RGS8: variants seen among roughly 807,000 people sequenced by gnomAD.
RGS8 encodes regulator of G-protein signaling 8.
RGS8 carries 8 observed loss-of-function variants against 21.7 expected under a neutral mutation model. The ratio of observed to expected loss-of-function variants is 0.37; its 90% CI spans 0.22 to 0.66. The LOEUF (loss-of-function observed/expected upper bound fraction) is 0.66. Ranked by LOEUF, RGS8 falls within the 30% of genes least tolerant of loss-of-function variation. RGS8 has a pLI of 0.59. For missense variants in RGS8, 157 were observed against 217.9 expected (o/e 0.72, Z 1.76); for synonymous variants, 80 against 83.6 (o/e 0.96, Z 0.24).
chr1:182,673,010 A>T, upstream of RGS8: 1 of 692,888 alleles, frequency 1.4e-6, no homozygotes, highest in East Asian at 2.6e-5. Flanking sequence ...GACAGTAATC[A>T]GCCTTCCAGG....
the RGS8 span, among the ~76,000 whole-genome samples, chr1:182,697,992 A>T: frequency 6.6e-6 from 1 of 152,278 alleles, no homozygotes; most frequent in Admixed American, 6.5e-5. Flanking sequence ...CAATTCAGGG[A>T]CTTAGAGGGA....
the RGS8 span, among the ~76,000 whole-genome samples, chr1:182,748,640 A>T: frequency 6.6e-6 from 1 of 152,194 alleles, no homozygotes; most frequent in Non-Finnish European, 1.5e-5. Flanking sequence ...TTACTGGATC[A>T]TATGGTAGTT....
chr1:182,664,296 C>T (rs1373011919), intron 5 of RGS8, among the ~76,000 whole-genome samples: 2 of 151,758 alleles, frequency 1.3e-5, no homozygotes, highest in African/African-American at 4.8e-5. Context: ...AAAAAAAAAC[C>T]CACCATATCC....
chr1:182,740,379 T>C, the RGS8 span, among the ~76,000 whole-genome samples: 2 of 152,178 alleles, frequency 1.3e-5, no homozygotes, highest in African/African-American at 4.8e-5. Flanking sequence ...CTGAGCACTA[T>C]ACAGACACAT....
the RGS8 span, among the ~76,000 whole-genome samples, chr1:182,716,950 T>TC: frequency 6.6e-6 from 1 of 152,092 alleles, no homozygotes; most frequent in Non-Finnish European, 1.5e-5. Flanking sequence ...AATCTCATCT[T>TC]CCCCCAAGGT....
chr1:182,698,886 A>C, the RGS8 span, among the ~76,000 whole-genome samples: 3 of 152,188 alleles, frequency 2.0e-5, no homozygotes, highest in Non-Finnish European at 4.4e-5. Context: ...AATTAGAACA[A>C]TGTGTGTGTG....
At chr1:182,730,046 T>A in the RGS8 span, among the ~76,000 whole-genome samples, 1 of 152,294 alleles carries the variant, frequency 6.6e-6, no homozygotes, top group Non-Finnish European at 1.5e-5. Context: ...TTAGAAAAGA[T>A]GATGGGGATA....
the RGS8 span, among the ~76,000 whole-genome samples, chr1:182,726,261 T>A: frequency 6.6e-6 from 1 of 152,176 alleles, no homozygotes; most frequent in African/African-American, 2.4e-5. Flanking sequence ...ACTAAGCTTT[T>A]CTCTGTAGAA....
intron 1 of RGS8, among the ~76,000 whole-genome samples, chr1:182,683,528 C>A (rs12129643): frequency 0.11 from 16,588 of 151,010 alleles, 1,192 homozygotes; most frequent in African/African-American, 0.2. Context: ...GACCTACAAA[C>A]ACTTGCAAGC....
chr1:182,678,086 C>T (rs577740148), intron 1 of RGS8, among the ~76,000 whole-genome samples: 2 of 152,248 alleles, frequency 1.3e-5, no homozygotes, highest in East Asian at 1.9e-4. Flanking sequence ...AAGACATTAT[C>T]GTTATTTTTT....
chr1:182,672,273 G>A (rs1214035418), upstream of RGS8: 1 of 176,324 alleles, frequency 5.7e-6, no homozygotes. Context: ...GACAGCTGCT[G>A]ACAGCAGGAG....
the RGS8 span, among the ~76,000 whole-genome samples, chr1:182,739,115 A>T: frequency 6.6e-6 from 1 of 152,174 alleles, no homozygotes; most frequent in Non-Finnish European, 1.5e-5. Context: ...TTTCCATTTA[A>T]AAGTGGAATA....
chr1:182,733,255 G>T, the RGS8 span, among the ~76,000 whole-genome samples: 1 of 152,180 alleles, frequency 6.6e-6, no homozygotes, highest in Non-Finnish European at 1.5e-5. Context: ...TATTTGTCCT[G>T]TGTTTTCAAT....
chr1:182,728,064 T>A, the RGS8 span, among the ~76,000 whole-genome samples: 152 of 152,270 alleles, frequency 1.0e-3, no homozygotes, highest in African/African-American at 3.3e-3. Flanking sequence ...ATGTTCATTT[T>A]ACAGAAATTG....
upstream of RGS8, among the ~76,000 whole-genome samples, chr1:182,674,543 A>G (rs142824829): frequency 1.4e-4 from 21 of 152,336 alleles, no homozygotes; most frequent in East Asian, 1.2e-3. Context: ...GTACAGACGT[A>G]GTGCAGGCCC....
At chr1:182,665,866 G>T in intron 5 of RGS8, 103 bp downstream of exon 6, 2 of 945,154 alleles carry the variant, frequency 2.1e-6, no homozygotes, top group African/African-American at 1.6e-5. Context: ...ACAGAGGTCT[G>T]GAACACCTAG....
the RGS8 span, among the ~76,000 whole-genome samples, chr1:182,700,799 A>G: frequency 6.6e-6 from 1 of 152,368 alleles, no homozygotes; most frequent in South Asian, 2.1e-4. Flanking sequence ...GGACTCTTAC[A>G]ATCATCTAAT....
the RGS8 span, among the ~76,000 whole-genome samples, chr1:182,717,676 C>T: frequency 6.6e-6 from 1 of 152,148 alleles, no homozygotes; most frequent in Non-Finnish European, 1.5e-5. Flanking sequence ...ATTGTGTTTT[C>T]TTCAGGGAAA....
chr1:182,707,283 T>G, the RGS8 span, among the ~76,000 whole-genome samples: 8 of 152,148 alleles, frequency 5.3e-5, no homozygotes, highest in Non-Finnish European at 8.8e-5. Flanking sequence ...AGACAACCTT[T>G]TGTACTTTGC....
Sources: allele counts gnomAD v4.1 joint callset (sites outside exome capture counted in the v4.1 genomes callset), GRCh38; gene constraint gnomAD v4.1.1; transcripts MANE v1.5; gene names NCBI Gene and HGNC (gene_info 2026-07-23, HGNC 2026-07-21).